The following SHISA6 variants were observed in gnomAD, a reference collection of about 807,000 sequenced individuals.
The protein encoded by SHISA6 is protein shisa-6.
In SHISA6, 22 loss-of-function variants were observed where a neutral mutation model predicts 47.9. That is an observed-to-expected ratio of 0.46 (90% CI 0.33 to 0.66). The LOEUF (loss-of-function observed/expected upper bound fraction) is 0.66. Ranked by LOEUF, SHISA6 falls within the 30% of genes least tolerant of loss-of-function variation. SHISA6 has a pLI of 0.02. For synonymous variants in SHISA6, 388 were observed against 337.8 expected, an observed-to-expected ratio of 1.15 and a Z score of -1.63; for missense variants, 680 against 764.6, an observed-to-expected ratio of 0.89 and a Z score of 1.30.
intron 2 of SHISA6, among the ~76,000 whole-genome samples, chr17:11,374,600 G>T (rs1361340302): frequency 6.6e-6 from 1 of 151,826 alleles, no homozygotes; most frequent in African/African-American, 2.4e-5. Flanking sequence ...TGTGAAGAAA[G>T]CTTTTCTATT....
chr17:11,516,931 A>G (rs947294495), intron 3 of SHISA6, among the ~76,000 whole-genome samples: 2 of 152,210 alleles, frequency 1.3e-5, no homozygotes, highest in Non-Finnish European at 2.9e-5. Flanking sequence ...CTTCTGGTAC[A>G]AGTATTGTGC....
chr17:11,548,907 G>A (rs1026793298), intron 3 of SHISA6, among the ~76,000 whole-genome samples: 1 of 152,124 alleles, frequency 6.6e-6, no homozygotes, highest in East Asian at 1.9e-4. Flanking sequence ...GTATGAAGAA[G>A]ATTAAAGTAG....
In SHISA6 at chr17:11,330,489, GGAGA is replaced by G. The variant is rs4055800; in HGVS notation, c.800-48902_800-48899del. Among the ~76,000 whole-genome samples the G allele has an allele frequency of 2.9e-3, 435 of 147,654 alleles. 1 individual carries two copies. Among genetic ancestry groups the G allele is most frequent in the African/African-American group, 4.0e-3 (158 of 39,422 alleles). ...TCTAAAATTCTGAGAGTAATGCTAG[GGAGA>G]GAGAGAGAGAGAGAGAGAGAGAAGA... On this transcript the variant is annotated intron_variant, in intron 2 of 5. Transcript: ENST00000441885.
rs145206358 is a variant in SHISA6 at position 11,378,350 on chromosome 17, C to T, written c.800-1064C>T. 3.4e-4 allele frequency among the ~76,000 whole-genome samples: 52 copies of T among 152,144 alleles called. No homozygotes were observed. The East Asian group carries it at 4.5e-3, about 13-fold the overall frequency. On this transcript the variant is annotated intron_variant, in intron 2 of 5. Transcript: ENST00000441885. The stretch of plus-strand genomic sequence containing the variant: ...TATCTTGTGTGTGTGTGTGTGTGCG[C>T]GCACATGCACGCACTGGTTTGAATT...
chr17:11,434,404 C>T (rs138946658), intron 3 of SHISA6, among the ~76,000 whole-genome samples: 1 of 152,162 alleles, frequency 6.6e-6, no homozygotes, highest in East Asian at 1.9e-4. Context: ...TATTTTTCCT[C>T]CCTAATTTTC....
rs563494011 is a variant in SHISA6, at chr17:11,559,021, C to G, written c.*717C>G. ...CTCCCCATTGGTGGGAACTCCACCC[C>G]CTTCCAGCTGACTGCCCGCCCATAA... On this transcript the variant is annotated 3_prime_UTR_variant, in exon 6 of 6. Coordinates refer to ENST00000441885, the MANE Select transcript of SHISA6 (RefSeq NM_207386.4). The surrounding 1 kb of genome is among the most constrained non-coding windows in gnomAD (Gnocchi z 4.4). 3.9e-5 allele frequency: 6 copies of G among 153,196 alleles called. No individual in the cohort carries two copies. Among genetic ancestry groups the G allele is most frequent in the Admixed American group, 3.3e-4 (5 of 15,314 alleles). 9.5% of individuals were successfully genotyped at this position (153,196 alleles called of 1,614,324 possible). A position where few individuals can be genotyped will look rare whatever the true frequency, so the allele number is the denominator to read the frequency against.
intron 2 of SHISA6, among the ~76,000 whole-genome samples, chr17:11,339,272 C>T (rs1378065967): frequency 1.3e-5 from 2 of 151,710 alleles, no homozygotes; most frequent in African/African-American, 4.8e-5. Context: ...TCATAATATA[C>T]TAAATGAAAT....
chr17:11,308,873 G>A (rs958488819), intron 2 of SHISA6, among the ~76,000 whole-genome samples: 3 of 152,096 alleles, frequency 2.0e-5, no homozygotes, highest in Admixed American at 6.6e-5. Flanking sequence ...AAATTAGTTC[G>A]GTAAACCTGT....
intron 3 of SHISA6, among the ~76,000 whole-genome samples, chr17:11,425,249 CAGAAA>C (rs1274187473): frequency 6.6e-6 from 1 of 151,380 alleles, no homozygotes; most frequent in African/African-American, 2.4e-5. Context: ...GGAAACAAAC[CAGAAA>C]GGTTTGTTTC....
At chr17:11,316,484 G>A (rs1910528660) in intron 2 of SHISA6, among the ~76,000 whole-genome samples, 2 of 141,798 alleles carry the variant, frequency 1.4e-5, no homozygotes, top group African/African-American at 5.3e-5. Context: ...GCAGTGGCGT[G>A]ATCTTGGCTC....
chr17:11,374,965 C>T (rs953131459), intron 2 of SHISA6, among the ~76,000 whole-genome samples: 13 of 152,034 alleles, frequency 8.6e-5, no homozygotes, highest in African/African-American at 3.1e-4. Context: ...ATAAGAGTGT[C>T]CCTCCACCAG....
intron 2 of SHISA6, among the ~76,000 whole-genome samples, chr17:11,313,567 G>A (rs1387285756): frequency 6.6e-6 from 1 of 152,126 alleles, no homozygotes; most frequent in East Asian, 1.9e-4. Flanking sequence ...AGCTATACAT[G>A]GAAGCTAAAC....
intron 1 of SHISA6, among the ~76,000 whole-genome samples, chr17:11,261,003 A>T (rs1238900589): frequency 1.3e-5 from 2 of 152,184 alleles, no homozygotes; most frequent in East Asian, 3.9e-4. Flanking sequence ...TTCCTCCGGC[A>T]TATTCAAGTT....
intron 2 of SHISA6, among the ~76,000 whole-genome samples, chr17:11,375,024 C>A (rs113006473): frequency 0.012 from 1,750 of 152,104 alleles, 28 homozygotes; most frequent in Middle Eastern, 0.037. Flanking sequence ...TTCTTAAAAA[C>A]GTTGCTGCAC....
At chr17:11,396,709 A>G (rs567502272) in intron 3 of SHISA6, among the ~76,000 whole-genome samples, 1 of 152,294 alleles carries the variant, frequency 6.6e-6, no homozygotes, top group East Asian at 1.9e-4. Context: ...ACATGGACAC[A>G]GGGAAGGGAA....
chr17:11,310,411 A>C (rs1467000350), intron 2 of SHISA6, among the ~76,000 whole-genome samples: 1 of 152,176 alleles, frequency 6.6e-6, no homozygotes, highest in Non-Finnish European at 1.5e-5. Flanking sequence ...AGATGATCAA[A>C]ATTGCTGCTC....
intron 3 of SHISA6, among the ~76,000 whole-genome samples, chr17:11,447,937 C>G (rs777487976): frequency 6.6e-6 from 1 of 152,126 alleles, no homozygotes; most frequent in African/African-American, 2.4e-5. Context: ...GCAGTGGGTA[C>G]GGGCACTCCG....
intron 2 of SHISA6, among the ~76,000 whole-genome samples, chr17:11,355,748 C>T (rs1205473490): frequency 6.6e-6 from 1 of 152,184 alleles, no homozygotes; most frequent in African/African-American, 2.4e-5. Flanking sequence ...ATCGGCCAGC[C>T]TCTTGGGGTC....
In SHISA6 at chr17:11,242,078, C is replaced by T. The variant is rs559566556; in HGVS notation, c.638+18C>T. The T allele has an allele frequency of 2.6e-6, 4 of 1,549,030 alleles. No individual in the cohort carries two copies. The African/African-American group carries it at 4.1e-5, about 16-fold the overall frequency. ...ATCCACAGGTGAGAGCGCCGCGTGC[C>T]GCGCGCCCCGGTCTCCCCGCGGCCT... is the stretch of plus-strand genomic sequence containing the variant. On this transcript the variant is annotated intron_variant, in intron 1 of 5. Transcript: ENST00000441885.
Sources: allele counts gnomAD v4.1 joint callset (sites outside exome capture counted in the v4.1 genomes callset), GRCh38; gene constraint gnomAD v4.1.1; non-coding constraint Gnocchi (gnomAD v3.1); transcripts MANE v1.5; gene names NCBI Gene and HGNC (gene_info 2026-07-23, HGNC 2026-07-21).